The following RAB38 variants were observed in gnomAD, a reference collection of about 807,000 sequenced individuals.
RAB38 encodes RAB38, member RAS oncogene family.
Under a neutral mutation model 18.4 loss-of-function variants are expected in RAB38, and 15 were observed. The observed-to-expected ratio is 0.82, with a 90% CI of 0.55 to 1.26. RAB38 has a LOEUF of 1.26. Among genes scored for constraint, RAB38 ranks in the 50% most tolerant of loss-of-function variants. The pLI is 0.00. For synonymous variants in RAB38, 101 were observed against 104.4 expected, an observed-to-expected ratio of 0.97 and a Z score of 0.20; for missense variants, 294 against 267.4, an observed-to-expected ratio of 1.10 and a Z score of -0.69.
At chr11:87,959,968 A>C in the RAB38 span, among the ~76,000 whole-genome samples, 1 of 152,146 alleles carries the variant, frequency 6.6e-6, no homozygotes, top group African/African-American at 2.4e-5. Context: ...GGGTTTCTTC[A>C]TTCATGTAGC....
chr11:88,056,605 C>T, the RAB38 span, among the ~76,000 whole-genome samples: 2 of 151,976 alleles, frequency 1.3e-5, no homozygotes, highest in African/African-American at 4.8e-5. Flanking sequence ...GAGTTTGAGA[C>T]CATCCTGGCT....
At chr11:88,033,259 G>T in the RAB38 span, among the ~76,000 whole-genome samples, 2 of 151,988 alleles carry the variant, frequency 1.3e-5, no homozygotes, top group South Asian at 4.1e-4. Flanking sequence ...GATAGCATTG[G>T]GAGATATACC....
chr11:87,869,744 T>A, the RAB38 span, among the ~76,000 whole-genome samples: 5 of 151,386 alleles, frequency 3.3e-5, no homozygotes, highest in African/African-American at 9.7e-5. Context: ...GTTGGAGACA[T>A]CCCATCTACA....
chr11:88,102,591 T>C, the RAB38 span, among the ~76,000 whole-genome samples: 1 of 152,144 alleles, frequency 6.6e-6, no homozygotes, highest in South Asian at 2.1e-4. Context: ...AGCTAAAAAG[T>C]ATATATTCAC....
At chr11:87,962,774 G>A in the RAB38 span, among the ~76,000 whole-genome samples, 2 of 152,108 alleles carry the variant, frequency 1.3e-5, no homozygotes, top group Non-Finnish European at 2.9e-5. Context: ...CTATTGTAAT[G>A]TATATTTCAA....
the RAB38 span, among the ~76,000 whole-genome samples, chr11:88,040,524 G>A: frequency 2.6e-5 from 4 of 152,198 alleles, no homozygotes; most frequent in South Asian, 8.3e-4. Context: ...TGGGTAACAT[G>A]GTGAAAACCC....
the RAB38 span, among the ~76,000 whole-genome samples, chr11:87,873,922 G>GTATATATATATATATATATATA: frequency 3.7e-4 from 38 of 103,098 alleles, no homozygotes; most frequent in Admixed American, 6.1e-4. Context: ...GTGTGTGTGT[G>GTATATATATATATATATATATA]TATATATATA....
chr11:87,917,667 C>A, the RAB38 span, among the ~76,000 whole-genome samples: 1 of 151,954 alleles, frequency 6.6e-6, no homozygotes, highest in South Asian at 2.1e-4. Flanking sequence ...ATGGCACCTC[C>A]ACCTGGAGCT....
chr11:87,849,644 G>C, the RAB38 span, among the ~76,000 whole-genome samples: 2 of 152,060 alleles, frequency 1.3e-5, no homozygotes, highest in South Asian at 2.1e-4. Context: ...TTTGGGTGTT[G>C]TCCTTTTCTG....
At chr11:87,863,478 A>G in the RAB38 span, among the ~76,000 whole-genome samples, 1 of 151,728 alleles carries the variant, frequency 6.6e-6, no homozygotes, top group Non-Finnish European at 1.5e-5. Context: ...CTGGAGAGGG[A>G]GGTTACAACC....
At chr11:87,976,733 A>G in the RAB38 span, among the ~76,000 whole-genome samples, 1 of 119,146 alleles carries the variant, frequency 8.4e-6, no homozygotes, top group East Asian at 2.5e-4. Flanking sequence ...TATTTTATAT[A>G]ATATATATTT....
chr11:87,866,894 G>C, the RAB38 span, among the ~76,000 whole-genome samples: 1 of 151,766 alleles, frequency 6.6e-6, no homozygotes, highest in Non-Finnish European at 1.5e-5. Context: ...ACTTGGTCAA[G>C]TTGGAGGCTA....
the RAB38 span, among the ~76,000 whole-genome samples, chr11:87,919,860 T>C: frequency 6.6e-6 from 1 of 152,170 alleles, no homozygotes; most frequent in Non-Finnish European, 1.5e-5. Flanking sequence ...AATTTATTCA[T>C]TTCATTTAAC....
the RAB38 span, among the ~76,000 whole-genome samples, chr11:88,087,931 C>T: frequency 5.3e-5 from 8 of 151,890 alleles, no homozygotes; most frequent in Non-Finnish European, 1.2e-4. Context: ...TCATCTCCCA[C>T]TTGGAGGTAA....
At chr11:87,955,602 G>GCTAA in the RAB38 span, among the ~76,000 whole-genome samples, 2 of 152,026 alleles carry the variant, frequency 1.3e-5, no homozygotes, top group African/African-American at 4.8e-5. Flanking sequence ...AAAGCCCGTA[G>GCTAA]CTAACTATAA....
chr11:87,813,861 C>T, the RAB38 span, among the ~76,000 whole-genome samples: 8 of 152,208 alleles, frequency 5.3e-5, no homozygotes, highest in East Asian at 1.9e-4. Flanking sequence ...GTTAAACTTT[C>T]GTTTATTGCT....
chr11:87,873,942 A>ATATATG, the RAB38 span, among the ~76,000 whole-genome samples: 2 of 143,314 alleles, frequency 1.4e-5, no homozygotes, highest in Admixed American at 7.3e-5. Flanking sequence ...ATATATATAT[A>ATATATG]TATATATACT....
At chr11:88,089,170 G>A in the RAB38 span, among the ~76,000 whole-genome samples, 51 of 148,432 alleles carry the variant, frequency 3.4e-4, no homozygotes, top group Non-Finnish European at 4.8e-4. Flanking sequence ...GCAGAGGCTG[G>A]CATGTCAGGG....
chr11:88,072,296 A>G, the RAB38 span, among the ~76,000 whole-genome samples: 2 of 152,238 alleles, frequency 1.3e-5, no homozygotes, highest in Non-Finnish European at 2.9e-5. Context: ...AGCAGACTGG[A>G]CACAGCCGAG....
Sources: allele counts gnomAD v4.1 joint callset (sites outside exome capture counted in the v4.1 genomes callset), GRCh38; gene constraint gnomAD v4.1.1; transcripts MANE v1.5; gene names NCBI Gene and HGNC (gene_info 2026-07-23, HGNC 2026-07-21).